The following TFB1M variants were observed in gnomAD, a reference collection of about 807,000 sequenced individuals.
TFB1M encodes transcription factor B1, mitochondrial, also known as dimethyladenosine transferase 1, mitochondrial.
A neutral mutation model predicts 31.1 loss-of-function variants in TFB1M; 27 were observed. That is an observed-to-expected ratio of 0.87 (90% CI 0.64 to 1.20). The LOEUF is 1.20. Among genes scored for constraint, TFB1M ranks in the 50% most tolerant of loss-of-function variants. The pLI is 0.00. For synonymous variants in TFB1M, 166 were observed against 151.8 expected, an observed-to-expected ratio of 1.09 and a Z score of -0.69; for missense variants, 394 against 418.7, an observed-to-expected ratio of 0.94 and a Z score of 0.51.
the TFB1M span, chr6:155,248,014 G>A: frequency 6.2e-7 from 1 of 1,614,056 alleles, no homozygotes; most frequent in Non-Finnish European, 8.5e-7. Flanking sequence ...AACTGACAAA[G>A]CCTTCAAGGC....
chr6:155,263,202 T>C (rs958932599), intron 5 of TFB1M, among the ~76,000 whole-genome samples: 2 of 152,332 alleles, frequency 1.3e-5, no homozygotes, highest in African/African-American at 2.4e-5. Context: ...TTGGTAACTA[T>C]GGTAACGAAT....
In TFB1M at chr6:155,296,016, T is replaced by C. The variant is rs187381196; in HGVS notation, c.546+937A>G. Among the ~76,000 whole-genome samples, 135 of 152,220 alleles carry C rather than the reference T, an allele frequency of 8.9e-4. No individual in the cohort carries two copies. In the Middle Eastern group the frequency reaches 0.024, roughly 27 times the overall value. ...TGTATACTCTTGTACTTATATGTCA[T>C]AATAAAATTTTTTTAAAAAACCACT... On this transcript the variant is annotated intron_variant, in intron 4 of 6. Transcript: ENST00000367166.
At chr6:155,250,790 T>C in the TFB1M span, 11 of 1,156,308 alleles carry the variant, frequency 9.5e-6, no homozygotes, top group Admixed American at 1.9e-5. Flanking sequence ...TTTACAGGTA[T>C]CATAAAAATT....
intron 2 of TFB1M, among the ~76,000 whole-genome samples, chr6:155,308,164 A>G (rs1345602700): frequency 6.6e-6 from 1 of 152,196 alleles, no homozygotes; most frequent in African/African-American, 2.4e-5. Flanking sequence ...AAATGTAACA[A>G]GAAACAACGA....
chr6:155,250,568 G>C, the TFB1M span: 2 of 1,536,030 alleles, frequency 1.3e-6, no homozygotes, highest in Non-Finnish European at 1.7e-6. Flanking sequence ...GGTGATGGAT[G>C]TACTAGATCC....
chr6:155,242,761 A>T, the TFB1M span, among the ~76,000 whole-genome samples: 1 of 152,068 alleles, frequency 6.6e-6, no homozygotes, highest in African/African-American at 2.4e-5. Context: ...TTGGAGATGG[A>T]GTCTCGCTCT....
chr6:155,253,969 A>G (rs1783841446), downstream of TFB1M: 6 of 1,611,006 alleles, frequency 3.7e-6, no homozygotes, highest in Non-Finnish European at 5.1e-6. Flanking sequence ...TTCCTTTTAC[A>G]TAGGGACAGA....
rs371015908 is a variant in TFB1M at position 155,256,441 on chromosome 6, A to T, written c.*1395T>A. The T allele has an allele frequency of 1.9e-6, 3 of 1,613,140 alleles. No homozygotes were observed. Among genetic ancestry groups the T allele is most frequent in the Non-Finnish European group, 2.5e-6 (3 of 1,179,860 alleles). On this transcript the variant is annotated 3_prime_UTR_variant, in exon 7 of 7. Coordinates refer to ENST00000367166, the MANE Select transcript of TFB1M (RefSeq NM_016020.4). ...TGAGGCAAACATTACACATTGTGTA[A>T]CCTGTTTCTGTATCACAGCGAAATG...
At chr6:155,292,831 T>C (rs1470289281) in intron 4 of TFB1M, among the ~76,000 whole-genome samples, 2 of 152,064 alleles carry the variant, frequency 1.3e-5, no homozygotes, top group Non-Finnish European at 2.9e-5. Context: ...AACAGCTACT[T>C]ATTTGTTCAA....
chr6:155,294,976 A>G (rs2114771120), intron 4 of TFB1M, among the ~76,000 whole-genome samples: 1 of 152,394 alleles, frequency 6.6e-6, no homozygotes, highest in South Asian at 2.1e-4. Context: ...AATAAACTAC[A>G]GTCATAAGCA....
chr6:155,311,059 T>C (rs1279955982), intron 2 of TFB1M, 129 bp downstream of exon 2: 4 of 981,208 alleles, frequency 4.1e-6, no homozygotes, highest in Non-Finnish European at 6.3e-6. Context: ...ATCTCTGGAA[T>C]GGGGCCTTGG....
chr6:155,289,607 TTC>T (rs1322139283), intron 4 of TFB1M, among the ~76,000 whole-genome samples: 1 of 152,204 alleles, frequency 6.6e-6, no homozygotes, highest in Non-Finnish European at 1.5e-5. Flanking sequence ...GCTCATTTAT[TTC>T]TGTTTTGTAA....
At chr6:155,306,559 T>C (rs908525822) in intron 2 of TFB1M, among the ~76,000 whole-genome samples, 2 of 152,136 alleles carry the variant, frequency 1.3e-5, no homozygotes, top group African/African-American at 4.8e-5. Flanking sequence ...AGCAAACTAC[T>C]GATAAACACC....
At chr6:155,285,368 G>A (rs1448241563) in intron 4 of TFB1M, 91 bp from the exon 5 acceptor site, 2 of 1,526,036 alleles carry the variant, frequency 1.3e-6, no homozygotes, top group East Asian at 2.4e-5. Context: ...CTGAACACTA[G>A]GTGGACTTTT....
chr6:155,253,038 C>T, downstream of TFB1M: 1 of 1,614,018 alleles, frequency 6.2e-7, no homozygotes, highest in South Asian at 1.1e-5. Flanking sequence ...TCAAGTCAGA[C>T]TGGGGAATCC....
intron 5 of TFB1M, chr6:155,260,757 G>T (rs1223598699): frequency 5.8e-6 from 2 of 343,238 alleles, no homozygotes; most frequent in Non-Finnish European, 1.1e-5. Context: ...TTTGAATGAG[G>T]AAAAAAATAA....
the TFB1M span, among the ~76,000 whole-genome samples, chr6:155,241,823 A>G: frequency 6.6e-6 from 1 of 152,208 alleles, no homozygotes; most frequent in African/African-American, 2.4e-5. Context: ...GAATAATCCC[A>G]TCTCCACAGT....
chr6:155,289,559 A>AG (rs1776809582), intron 4 of TFB1M, among the ~76,000 whole-genome samples: 1 of 152,208 alleles, frequency 6.6e-6, no homozygotes. Flanking sequence ...TCTTACACTT[A>AG]GATCCTGTAG....
intron 5 of TFB1M, among the ~76,000 whole-genome samples, chr6:155,281,428 GT>G (rs1309094519): frequency 5.9e-5 from 9 of 152,256 alleles, no homozygotes; most frequent in Non-Finnish European, 1.2e-4. Flanking sequence ...GTAGAGAATA[GT>G]GTTGAGAACT....
Sources: gnomAD v4.1 joint callset for allele counts (sites outside exome capture counted in the v4.1 genomes callset) on GRCh38, gnomAD v4.1.1 for gene constraint, MANE v1.5 for transcripts, NCBI Gene and HGNC (gene_info 2026-07-23, HGNC 2026-07-21) for gene names.